Variants in CCDC7 observed in about 807,000 individuals in gnomAD.
CCDC7 encodes coiled-coil domain-containing protein 7.
A neutral mutation model predicts 196.9 loss-of-function variants in CCDC7; 183 were observed. The observed-to-expected ratio is 0.93, with a 90% CI of 0.82 to 1.05. The LOEUF is 1.05. Ranked by LOEUF, CCDC7 falls within the 50% of genes least tolerant of loss-of-function variation. The pLI, the probability that CCDC7 is intolerant of heterozygous loss-of-function variation, is 0.00. For synonymous variants in CCDC7, 525 were observed against 484.6 expected (o/e 1.08, Z -1.10); for missense variants, 1,540 against 1,482.2 (o/e 1.04, Z -0.64).
intron 18 of CCDC7, among the ~76,000 whole-genome samples, chr10:32,585,020 C>T (rs1424215808): frequency 6.6e-6 from 1 of 151,948 alleles, no homozygotes; most frequent in Non-Finnish European, 1.5e-5. Context: ...TTCTTCCTTT[C>T]CAACATGTAT....
intron 25 of CCDC7, among the ~76,000 whole-genome samples, chr10:32,719,046 A>G (rs1381258255): frequency 6.6e-6 from 1 of 152,208 alleles, no homozygotes; most frequent in Non-Finnish European, 1.5e-5. Context: ...ATGGAACCAA[A>G]AAAAGAGCCC....
chr10:32,480,070 T>C (rs917890891), intron 8 of CCDC7, among the ~76,000 whole-genome samples: 4 of 152,248 alleles, frequency 2.6e-5, no homozygotes, highest in Non-Finnish European at 4.4e-5. Context: ...TTTTCCAATG[T>C]TACTTGAGTC....
At chr10:32,661,042 T>C (rs201478090) in intron 20 of CCDC7, among the ~76,000 whole-genome samples, 3,945 of 87,406 alleles carry the variant, frequency 0.045, no homozygotes, top group South Asian at 0.054. Context: ...ACAGGCAACC[T>C]ACAAAATGGG....
intron 21 of CCDC7, among the ~76,000 whole-genome samples, chr10:32,677,648 T>G (rs2075231921): frequency 6.6e-6 from 1 of 152,166 alleles, no homozygotes; most frequent in South Asian, 2.1e-4. Context: ...TTTCAAAATT[T>G]TCTTTGAGTT....
chr10:32,829,040 T>A lies in CCDC7; in HGVS notation c.3268+4436T>A, dbSNP rs187265402. On this transcript the variant is annotated intron_variant, in intron 32 of 41. Coordinates refer to ENST00000639629, the Ensembl canonical transcript of CCDC7. The stretch of plus-strand genomic sequence containing the variant: ...CAACAGGCTAAGAAGGGGGCTACAT[T>A]GTTGACTTGGGTGATTGACCCGGAC... Among the ~76,000 whole-genome samples, 52 of 152,266 alleles carry A rather than the reference T, an allele frequency of 3.4e-4. 1 individual carries two copies. Among genetic ancestry groups the A allele is most frequent in the African/African-American group, 1.0e-3 (42 of 41,552 alleles).
At chr10:32,526,271 T>A (rs1235227073) in intron 11 of CCDC7, among the ~76,000 whole-genome samples, 1 of 152,104 alleles carries the variant, frequency 6.6e-6, no homozygotes, top group African/African-American at 2.4e-5. Context: ...CTTCAGCTTG[T>A]GGTGAATGCT....
intron 9 of CCDC7, among the ~76,000 whole-genome samples, chr10:32,497,684 T>G (rs1229825084): frequency 6.6e-6 from 1 of 152,134 alleles, no homozygotes; most frequent in East Asian, 1.9e-4. Flanking sequence ...TGTTCAGTTT[T>G]CATGTAGTTG....
intron 20 of CCDC7, among the ~76,000 whole-genome samples, chr10:32,638,363 G>A (rs2066055244): frequency 6.6e-6 from 1 of 152,282 alleles, no homozygotes; most frequent in South Asian, 2.1e-4. Context: ...TATTGGCTGT[G>A]GGTTTGTCAT....
chr10:32,480,512 T>G (rs542634359), intron 8 of CCDC7, among the ~76,000 whole-genome samples: 1 of 152,250 alleles, frequency 6.6e-6, no homozygotes, highest in Non-Finnish European at 1.5e-5. Context: ...ATTGCTATAA[T>G]CTTCCTTTTA....
intron 28 of CCDC7, among the ~76,000 whole-genome samples, chr10:32,760,610 A>C (rs900582041): frequency 2.0e-5 from 3 of 151,996 alleles, no homozygotes; most frequent in African/African-American, 7.2e-5. Flanking sequence ...TGGGAGGATG[A>C]GGGAGGGATA....
chr10:32,743,658 T>G (rs933833205), intron 28 of CCDC7, among the ~76,000 whole-genome samples: 2 of 152,148 alleles, frequency 1.3e-5, no homozygotes, highest in African/African-American at 4.8e-5. Context: ...CAAAGGATTA[T>G]AAATGATACT....
At chr10:32,540,787 C>T (rs2051279402) in intron 11 of CCDC7, among the ~76,000 whole-genome samples, 1 of 152,144 alleles carries the variant, frequency 6.6e-6, no homozygotes, top group African/African-American at 2.4e-5. Context: ...CACATTCTCT[C>T]TAGTTGCCTT....
At chr10:32,740,162 G>C (rs7091133) in intron 28 of CCDC7, among the ~76,000 whole-genome samples, 21,038 of 152,024 alleles carry the variant, frequency 0.14, 1,756 homozygotes, top group East Asian at 0.25. Context: ...GTGTTGAAGG[G>C]TAGAAAGCAG....
rs893610984 is a variant in CCDC7 at position 32,684,136 on chromosome 10, T to C, written c.2123-1834T>C. Among the ~76,000 whole-genome samples the C allele has an allele frequency of 3.0e-4, 46 of 152,092 alleles. 1 individual carries two copies. Among genetic ancestry groups the C allele is most frequent in the Non-Finnish European group, 3.2e-4 (22 of 68,006 alleles). On this transcript the variant is annotated intron_variant, in intron 21 of 41. Coordinates refer to ENST00000639629, the Ensembl canonical transcript of CCDC7. ...TTGCTGTGCTGGGGACCTAGGCCGATTGGCTTTGCTTGGCAAGGTGCCCCA... is the reference window on the plus strand; with the variant it reads ...TTGCTGTGCTGGGGACCTAGGCCGACTGGCTTTGCTTGGCAAGGTGCCCCA...
At chr10:32,609,315 T>C (rs1591395) in intron 18 of CCDC7, among the ~76,000 whole-genome samples, 52,382 of 152,082 alleles carry the variant, frequency 0.34, 11,456 homozygotes, top group Non-Finnish European at 0.5. Flanking sequence ...ATATTTAGAA[T>C]TGTTATATCC....
intron 28 of CCDC7, among the ~76,000 whole-genome samples, chr10:32,778,060 G>A (rs1284802255): frequency 6.6e-6 from 1 of 152,050 alleles, no homozygotes; most frequent in Non-Finnish European, 1.5e-5. Flanking sequence ...TTGCTTGTTG[G>A]TTTAAGTTCC....
exon 23 of CCDC7, chr10:32,689,090 G>C (rs779534001): frequency 1.2e-6 from 2 of 1,607,400 alleles, no homozygotes; most frequent in South Asian, 1.1e-5. Context: ...TTATACTTAG[G>C]CATCAAGACT....
chr10:32,756,105 T>C (rs1565406833), intron 28 of CCDC7, among the ~76,000 whole-genome samples: 1 of 152,168 alleles, frequency 6.6e-6, no homozygotes, highest in Non-Finnish European at 1.5e-5. Flanking sequence ...TATGGGACTA[T>C]GGGAAAAGAC....
chr10:32,831,255 TG>T (rs1445764774), intron 32 of CCDC7, among the ~76,000 whole-genome samples: 1 of 152,146 alleles, frequency 6.6e-6, no homozygotes, highest in African/African-American at 2.4e-5. Context: ...GGTACACCTG[TG>T]TAGAGCACTT....
Sources: allele counts gnomAD v4.1 joint callset (sites outside exome capture counted in the v4.1 genomes callset), GRCh38; gene constraint gnomAD v4.1.1; transcripts MANE v1.5; gene names NCBI Gene and HGNC (gene_info 2026-07-23, HGNC 2026-07-21).